The following CUL9 variants were observed in gnomAD, a reference collection of about 807,000 sequenced individuals.
The protein encoded by CUL9 is cullin 9.
CUL9 carries 79 observed loss-of-function variants against 272.6 expected under a neutral mutation model. That is an observed-to-expected ratio of 0.29 (90% CI 0.24 to 0.35). The LOEUF (loss-of-function observed/expected upper bound fraction) is 0.35. Ranked by LOEUF, CUL9 falls within the 10% of genes least tolerant of loss-of-function variation. The pLI is 1.00. For missense variants in CUL9, 2,532 were observed against 3,255.6 expected (o/e 0.78, Z 5.41); for synonymous variants, 1,186 against 1,286.5 (o/e 0.92, Z 1.67).
Position 43,206,467 on chromosome 6 carries a change from A to G in CUL9, c.5169A>G (p.Glu1723=), listed in dbSNP as rs751802998. 8 of 1,614,192 alleles carry G rather than the reference A, an allele frequency of 5.0e-6. No individual in the cohort carries two copies. In the Admixed American group the frequency reaches 1.3e-4, roughly 27 times the overall value. The change falls in exon 26 of 41, where the codon GAA becomes GAG. Residue 1723 remains glutamate (E), a synonymous_variant. Transcript: ENST00000252050. The surrounding 1 kb of genome is among the most constrained non-coding windows in gnomAD (Gnocchi z 4.8). ...LYHPRKCLPT[E]FCDALDRFSS... ...ATCCCAGAAAGTGCCTTCCCACAGA[A>G]TTCTGTGATGCCCTTGACCGTTTCT...
rs1223953730 is a variant in CUL9 at position 43,213,613 on chromosome 6, G to A, written c.5488+46G>A. 5.6e-6 allele frequency: 9 copies of A among 1,599,496 alleles called. No homozygotes were observed. The African/African-American group carries it at 6.7e-5, about 12-fold the overall frequency. On this transcript the variant is annotated intron_variant, in intron 28 of 40. Coordinates refer to ENST00000252050, the MANE Select transcript of CUL9 (RefSeq NM_015089.4). The surrounding 1 kb of genome is among the most constrained non-coding windows in gnomAD (Gnocchi z 5.7). ...CTGAGCCTCTGCTGCTGGTCGGGGGGTCGCCCTCAAGATGGGGGGACTGTG... is the reference window on the plus strand; with the variant it reads ...CTGAGCCTCTGCTGCTGGTCGGGGGATCGCCCTCAAGATGGGGGGACTGTG...
chr6:43,220,401 C>T lies in CUL9; in HGVS notation c.6283-58C>T. 2 of 1,592,186 alleles carry T rather than the reference C, an allele frequency of 1.3e-6. No individual in the cohort carries two copies. Among genetic ancestry groups the T allele is most frequent in the Non-Finnish European group, 1.7e-6 (2 of 1,164,794 alleles). On this transcript the variant is annotated intron_variant, in intron 31 of 40. Transcript: ENST00000252050. The surrounding 1 kb of genome is among the most constrained non-coding windows in gnomAD (Gnocchi z 4.9). ...GGACGCTAGCTTAGTTACCAGGACA[C>T]TCCCCCTGTGCTGCTCCCACACTGT...
chr6:43,205,285 A>T lies in CUL9; in HGVS notation c.4655A>T (p.Tyr1552Phe). 1 of 1,614,108 alleles carries T rather than the reference A, an allele frequency of 6.2e-7. No individual in the cohort carries two copies. The highest frequency in any genetic ancestry group is 1.3e-5 in the African/African-American group (1 of 75,034). The change falls in exon 24 of 41, where the codon TAC becomes TTC. Residue 1552 changes from tyrosine to phenylalanine, a missense_variant. Tyr to Phe is a conservative substitution (Grantham distance 22, BLOSUM62 3). Around this residue, in one of 3 missense-constraint regions of CUL9, gnomAD observed 2,218 missense variants for 2,788.6 expected, o/e 0.80. Transcript: ENST00000252050. Reference sequence around the variant, plus strand: ...CAGATGAGTGAGCAGTTTGCCAGGTACATTGACCAACAGATCCAGGGTGGC... The same window carrying T: ...CAGATGAGTGAGCAGTTTGCCAGGTTCATTGACCAACAGATCCAGGGTGGC... ...AAHMSEQFAR[Y>F]IDQQIQGGLI...
Position 43,221,834 on chromosome 6 carries a change from C to A in CUL9, c.6846+56C>A. On this transcript the variant is annotated intron_variant, in intron 35 of 40. Transcript: ENST00000252050. The surrounding 1 kb of genome is among the most constrained non-coding windows in gnomAD (Gnocchi z 4.2). ...GGCCCAGAGCCGTCGGGGAGGGGTG[C>A]TGCTACCAGGTCCTGGGCAGACAGG... 1 of 1,472,812 alleles carries A rather than the reference C, an allele frequency of 6.8e-7. No individual in the cohort carries two copies. Among genetic ancestry groups the A allele is most frequent in the South Asian group, 1.2e-5 (1 of 86,668 alleles). 91.2% of individuals were successfully genotyped at this position (1,472,812 alleles called of 1,614,324 possible).
rs1774447702 is a variant in CUL9 at position 43,200,691 on chromosome 6, G to A, written c.3504G>A (p.Lys1168=). Residue 1168 remains lysine (K), a synonymous_variant, in exon 16 of 41, where the codon AAG becomes AAA. Transcript: ENST00000252050. The surrounding 1 kb of genome is among the most constrained non-coding windows in gnomAD (Gnocchi z 4.0). ...QGSSVEVKED[K]CWEKVEVSSN... is the part of the protein sequence containing the mutation. ...CCAGTGTGGAAGTGAAGGAGGACAA[G>A]TGCTGGGAGAAGGTGGAGGTGTCCT... 5 of 1,614,182 alleles carry A rather than the reference G, an allele frequency of 3.1e-6. No homozygotes were observed. The highest frequency in any genetic ancestry group is 1.6e-4 in the Middle Eastern group (1 of 6,062).
intron 9 of CUL9, 36 bp from the exon 10 acceptor site, chr6:43,196,032 GC>G: frequency 1.9e-6 from 3 of 1,572,720 alleles, no homozygotes; most frequent in Non-Finnish European, 2.6e-6. Context: ...TGGTGACTCT[GC>G]CCCCTCCTCA....
intron 26 of CUL9, among the ~76,000 whole-genome samples, chr6:43,210,002 GAGGCTTGCTCTGT>G (rs1192995802): frequency 6.6e-6 from 1 of 151,548 alleles, no homozygotes; most frequent in Non-Finnish European, 1.5e-5. Flanking sequence ...TTTTGAGATG[GAGGCTTGCTCTGT>G]TGCCCAGGCT....
At position 43,186,287 on chromosome 6, in the gene CUL9, G is replaced by C. The variant is rs1454016846; in HGVS notation, c.1083G>C (p.Trp361Cys). The C allele has an allele frequency of 6.2e-7, 1 of 1,614,186 alleles. No homozygotes were observed. Among genetic ancestry groups the C allele is most frequent in the Non-Finnish European group, 8.5e-7 (1 of 1,180,042 alleles). ...TIVTTPRRQG[W>C]VFRQRSEFSS... ...TCACCACCCCCAGAAGACAAGGGTG[G>C]GTCTTCCGCCAGCGCTCTGAATTCT... is the stretch of plus-strand genomic sequence containing the variant. The change falls in exon 4 of 41, where the codon TGG becomes TGC. Residue 361 changes from tryptophan to cysteine, a missense_variant. By Grantham distance (215) the Trp-to-Cys change is radical. Transcript: ENST00000252050.
Position 43,185,523 on chromosome 6 carries a change from C to T in CUL9, c.663C>T (p.Asp221=), listed in dbSNP as rs1357124590. ...QDGIEQHMDF[D]SRYTLLELFA... ...GCATCGAGCAGCACATGGATTTTGA[C>T]AGTCGCTATACATTGCTGGAGCTGT... Residue 221 remains aspartate, a synonymous_variant, in exon 3 of 41, where the codon GAC becomes GAT. Transcript: ENST00000252050. The T allele has an allele frequency of 1.2e-6, 2 of 1,613,912 alleles. No homozygotes were observed. Among genetic ancestry groups the T allele is most frequent in the Admixed American group, 1.7e-5 (1 of 60,000 alleles).
intron 2 of CUL9, 44 bp from the exon 3 acceptor site, chr6:43,185,412 T>A: frequency 6.3e-7 from 1 of 1,592,292 alleles, no homozygotes. Context: ...AGGGAGAAAG[T>A]ACTGGGGATT....
chr6:43,210,781 TTGAC>T (rs1441071097), intron 26 of CUL9, among the ~76,000 whole-genome samples: 10 of 152,256 alleles, frequency 6.6e-5, no homozygotes, highest in Middle Eastern at 3.4e-3. Flanking sequence ...TATTAATTAA[TTGAC>T]TGTTTCTAAC....
chr6:43,188,904 A>G (rs1371548720), intron 8 of CUL9, 189 bp downstream of exon 8: 1 of 549,912 alleles, frequency 1.8e-6, no homozygotes, highest in Non-Finnish European at 3.2e-6. Context: ...CTGTTATGCC[A>G]GGCACTGTGC....
Position 43,222,581 on chromosome 6 carries a change from C to G in CUL9, c.6972C>G (p.Pro2324=), listed in dbSNP as rs573445870. The G allele has an allele frequency of 6.4e-4, 1,028 of 1,613,640 alleles. 20 individuals are homozygous for G. In the South Asian group the frequency reaches 0.011, roughly 17 times the overall value. ...GGGTGTCTGCCATCCATGAAGTGCCCCCGCCCAGATCCTTCACCTTCCTCA... is the reference window on the plus strand; with the variant it reads ...GGGTGTCTGCCATCCATGAAGTGCCGCCGCCCAGATCCTTCACCTTCCTCA... The part of the protein sequence containing the change: ...RNRVSAIHEV[P]PPRSFTFLND... Residue 2324 remains proline, a synonymous_variant, in exon 37 of 41, where the codon CCC becomes CCG. Transcript: ENST00000252050.
Position 43,213,612 on chromosome 6 carries a change from G to T in CUL9, c.5488+45G>T. Reference sequence around the variant, plus strand: ...GCTGAGCCTCTGCTGCTGGTCGGGGGGTCGCCCTCAAGATGGGGGGACTGT... The same window carrying T: ...GCTGAGCCTCTGCTGCTGGTCGGGGTGTCGCCCTCAAGATGGGGGGACTGT... On this transcript the variant is annotated intron_variant, in intron 28 of 40. Coordinates refer to ENST00000252050, the MANE Select transcript of CUL9 (RefSeq NM_015089.4). This position sits in a 1 kb window ranked among gnomAD's most constrained non-coding sequence, Gnocchi z 5.7. 6.2e-7 allele frequency: 1 copy of T among 1,604,598 alleles called. No individual in the cohort carries two copies. The highest frequency in any genetic ancestry group is 1.3e-5 in the African/African-American group (1 of 74,506).
chr6:43,193,299 A>G (rs917091028), intron 9 of CUL9, 91 bp downstream of exon 9: 2 of 1,094,418 alleles, frequency 1.8e-6, no homozygotes, highest in African/African-American at 3.1e-5. Context: ...GGTGCTTCAG[A>G]TCAGTGAGTA....
chr6:43,201,377 A>G (rs950204386), intron 16 of CUL9, among the ~76,000 whole-genome samples: 17 of 152,250 alleles, frequency 1.1e-4, no homozygotes, highest in African/African-American at 3.6e-4. Context: ...TATTCTAGGC[A>G]TAAGGACAGC....
Position 43,205,062 on chromosome 6 carries a change from C to T in CUL9, c.4579C>T (p.Arg1527Cys), listed in dbSNP as rs550050643. Reference protein sequence around the residue: ...GPRAAFMLALRSGFSGALLQQ... With the variant: ...GPRAAFMLALCSGFSGALLQQ... The stretch of plus-strand genomic sequence containing the variant: ...TCGGGCAGCCTTCATGCTGGCTCTG[C>T]GCAGTGGCTTCTCTGGCGCCTTGCT... Residue 1527 changes from arginine (R) to cysteine (C), a missense_variant, in exon 23 of 41, where the codon CGC becomes TGC. Physicochemically the swap from Arg to Cys is radical, Grantham distance 180 (BLOSUM62 -3). Coordinates refer to ENST00000252050, the MANE Select transcript of CUL9 (RefSeq NM_015089.4). 50 of 1,609,040 alleles carry T rather than the reference C, an allele frequency of 3.1e-5. No homozygotes were observed. In the Admixed American group the frequency reaches 4.9e-4, roughly 16 times the overall value.
Position 43,200,896 on chromosome 6 carries a change from A to C in CUL9, c.3647+62A>C. On this transcript the variant is annotated intron_variant, in intron 16 of 40. Transcript: ENST00000252050. The surrounding 1 kb of genome is among the most constrained non-coding windows in gnomAD (Gnocchi z 4.0). ...CAGGATACTTCCCCAAAGCACCCAG[A>C]TACACACAACCCCAGCTATAACCCC... 1 of 1,598,884 alleles carries C rather than the reference A, an allele frequency of 6.3e-7. No individual in the cohort carries two copies.
In CUL9 at chr6:43,188,456, C is replaced by T. The variant is rs1018475060; in HGVS notation, c.1988-67C>T. 1.0e-5 allele frequency: 15 copies of T among 1,453,292 alleles called. No homozygotes were observed. In the Admixed American group the frequency reaches 3.3e-4, roughly 32 times the overall value. 90.0% of individuals were successfully genotyped at this position (1,453,292 alleles called of 1,614,324 possible). A position where few individuals can be genotyped will look rare whatever the true frequency, so the allele number is the denominator to read the frequency against. On this transcript the variant is annotated intron_variant, in intron 7 of 40. Coordinates refer to ENST00000252050, the MANE Select transcript of CUL9 (RefSeq NM_015089.4). ...ATATTGGTAGGATAACTGGGCTTGA[C>T]TTTAAAGACTTCTAACTTCAAGGTG... is the stretch of plus-strand genomic sequence containing the variant.
Sources: allele counts gnomAD v4.1 joint callset (sites outside exome capture counted in the v4.1 genomes callset), GRCh38; gene constraint gnomAD v4.1.1; regional missense constraint gnomAD v4.1.1; non-coding constraint Gnocchi (gnomAD v3.1); transcripts MANE v1.5; gene names NCBI Gene and HGNC (gene_info 2026-07-23, HGNC 2026-07-21).